The following CIB4 variants were observed in gnomAD, a reference collection of about 807,000 sequenced individuals.
CIB4 encodes calcium and integrin-binding family member 4.
A neutral mutation model predicts 25.8 loss-of-function variants in CIB4; 25 were observed. The observed-to-expected ratio is 0.97, with a 90% CI of 0.71 to 1.35. CIB4 has a LOEUF of 1.35. Ranked by LOEUF, CIB4 falls within the 40% of genes most tolerant of loss-of-function variation. The pLI is 0.00. For synonymous variants in CIB4, 75 were observed against 81.4 expected (o/e 0.92, Z 0.42); for missense variants, 235 against 228.2 (o/e 1.03, Z -0.19).
At chr2:26,632,672 C>T (rs552340467) in intron 2 of CIB4, among the ~76,000 whole-genome samples, 72 of 151,600 alleles carry the variant, frequency 4.7e-4, no homozygotes, top group African/African-American at 1.6e-3. Context: ...GCAGGAGAAT[C>T]GCTTGAACTC....
chr2:26,581,493 C>T (rs774862755), intron 6 of CIB4, 100 bp from the exon 7 acceptor site: 1 of 1,163,836 alleles, frequency 8.6e-7, no homozygotes, highest in Non-Finnish European at 1.3e-6. Context: ...CCCCGGCCTG[C>T]ATCTCGTGTC....
chr2:26,626,780 A>G (rs961552654), intron 3 of CIB4, among the ~76,000 whole-genome samples: 3 of 152,136 alleles, frequency 2.0e-5, no homozygotes, highest in African/African-American at 7.2e-5. Flanking sequence ...TGGGAAGAGC[A>G]GGCCTCACCC....
chr2:26,597,567 C>T (rs1299265028), intron 3 of CIB4, among the ~76,000 whole-genome samples: 1 of 152,044 alleles, frequency 6.6e-6, no homozygotes, highest in Non-Finnish European at 1.5e-5. Context: ...TAAACAATAG[C>T]ATAGTGTAAG....
At chr2:26,620,233 G>T (rs1236828994) in intron 3 of CIB4, among the ~76,000 whole-genome samples, 1 of 152,134 alleles carries the variant, frequency 6.6e-6, no homozygotes, top group Non-Finnish European at 1.5e-5. Flanking sequence ...AGCGGGGAAG[G>T]TGACACCACC....
Position 26,619,352 on chromosome 2 carries a change from C to T in CIB4, c.186+10058G>A, listed in dbSNP as rs369217312. ...GACCAGGCTCTCAGGACACCAGCCT[C>T]ATGGAGCGCTTGGGAGTTTGGGAAT... On this transcript the variant is annotated intron_variant, in intron 3 of 6. Coordinates refer to ENST00000288861, the MANE Select transcript of CIB4 (RefSeq NM_001029881.3). 6.9e-4 allele frequency among the ~76,000 whole-genome samples: 105 copies of T among 152,152 alleles called. 1 individual carries two copies. Among genetic ancestry groups the T allele is most frequent in the African/African-American group, 2.4e-3 (98 of 41,494 alleles).
chr2:26,610,462 T>C (rs1329852988), intron 3 of CIB4, among the ~76,000 whole-genome samples: 2 of 152,200 alleles, frequency 1.3e-5, no homozygotes, highest in Non-Finnish European at 2.9e-5. Context: ...TTTCAGTCCT[T>C]GACATTTTGG....
At chr2:26,589,007 T>C (rs1668513877) in intron 4 of CIB4, among the ~76,000 whole-genome samples, 2 of 17,198 alleles carry the variant, frequency 1.2e-4, no homozygotes, top group African/African-American at 4.4e-4. Context: ...TTCTTCTTCT[T>C]CTTCTTCTTC....
At position 26,636,141 on chromosome 2, in the gene CIB4, G is replaced by T. The variant is rs1669528400; in HGVS notation, c.89+4392C>A. ...GTGACCTCTTAGTAGAAAAAAAGAGGATTTATTTCTCTATATATACTTCTT... is the reference window on the plus strand; with the variant it reads ...GTGACCTCTTAGTAGAAAAAAAGAGTATTTATTTCTCTATATATACTTCTT... On this transcript the variant is annotated intron_variant, in intron 2 of 6. Transcript: ENST00000288861. Among the ~76,000 whole-genome samples, 3 of 151,936 alleles carry T rather than the reference G, an allele frequency of 2.0e-5. No homozygotes were observed. In the South Asian group the frequency reaches 6.2e-4, roughly 32 times the overall value.
At chr2:26,625,509 T>C (rs2148220861) in intron 3 of CIB4, among the ~76,000 whole-genome samples, 1 of 152,266 alleles carries the variant, frequency 6.6e-6, no homozygotes, top group African/African-American at 2.4e-5. Context: ...TGTGCCACCA[T>C]GCCCGGCTAA....
At chr2:26,605,697 G>A in intron 3 of CIB4, 1 of 304,894 alleles carries the variant, frequency 3.3e-6, no homozygotes, top group South Asian at 2.5e-5. Context: ...CCTACTGTGT[G>A]CAGGCTGTGA....
chr2:26,594,591 C>T (rs1425543834), intron 4 of CIB4, among the ~76,000 whole-genome samples: 2 of 152,212 alleles, frequency 1.3e-5, no homozygotes, highest in African/African-American at 4.8e-5. Context: ...CTTAAGACTT[C>T]TTTCTTTCCT....
chr2:26,632,368 A>G (rs1669436638), intron 2 of CIB4, among the ~76,000 whole-genome samples: 1 of 152,174 alleles, frequency 6.6e-6, no homozygotes, highest in Non-Finnish European at 1.5e-5. Flanking sequence ...TGGGGGAGAG[A>G]TTCTCCAGGA....
chr2:26,586,050 C>A (rs1013245439), intron 4 of CIB4, among the ~76,000 whole-genome samples: 1 of 152,184 alleles, frequency 6.6e-6, no homozygotes, highest in Non-Finnish European at 1.5e-5. Flanking sequence ...TGCACTACCC[C>A]ACCCTAGCCC....
At chr2:26,585,864 C>T (rs569058055) in intron 4 of CIB4, among the ~76,000 whole-genome samples, 22 of 152,012 alleles carry the variant, frequency 1.4e-4, no homozygotes, top group Non-Finnish European at 3.1e-4. Context: ...CCTCATGCTC[C>T]CCTCCCCAGC....
intron 4 of CIB4, among the ~76,000 whole-genome samples, chr2:26,589,082 T>TC (rs1358920964): frequency 2.2e-5 from 2 of 90,954 alleles, no homozygotes; most frequent in African/African-American, 1.2e-4. Context: ...CTCTTCTTCT[T>TC]CTTCTTCTTC....
chr2:26,629,848 C>A (rs1669382420), intron 2 of CIB4, among the ~76,000 whole-genome samples: 1 of 152,148 alleles, frequency 6.6e-6, no homozygotes, highest in African/African-American at 2.4e-5. Flanking sequence ...ACTGAAGGGG[C>A]TTATGTCCAG....
intron 4 of CIB4, among the ~76,000 whole-genome samples, chr2:26,588,371 G>C (rs1195798071): frequency 6.6e-6 from 1 of 152,240 alleles, no homozygotes; most frequent in Non-Finnish European, 1.5e-5. Flanking sequence ...CCTGGGAGGG[G>C]CTGGGGGCTG....
chr2:26,589,585 G>GT (rs1285878364), intron 4 of CIB4, among the ~76,000 whole-genome samples: 1 of 152,156 alleles, frequency 6.6e-6, no homozygotes, highest in African/African-American at 2.4e-5. Flanking sequence ...GCCTCTCAAA[G>GT]TGCTGGGATT....
rs777870357 is a variant in CIB4, at chr2:26,640,572, A to G, written c.55-5T>C. 6.2e-7 allele frequency: 1 copy of G among 1,611,896 alleles called. No individual in the cohort carries two copies. Among genetic ancestry groups the G allele is most frequent in the Non-Finnish European group, 8.5e-7 (1 of 1,178,958 alleles). Reference sequence around the variant, plus strand: ...TCTGGTCAGGAAGGTCAGGGCCTGCAACAAATCACAGAGAAGCGACGTGTC... The same window carrying G: ...TCTGGTCAGGAAGGTCAGGGCCTGCGACAAATCACAGAGAAGCGACGTGTC... On this transcript the variant is annotated splice_polypyrimidine_tract_variant and splice_region_variant and intron_variant, in intron 1 of 6. Coordinates refer to ENST00000288861, the MANE Select transcript of CIB4 (RefSeq NM_001029881.3).
Sources: allele counts gnomAD v4.1 joint callset (sites outside exome capture counted in the v4.1 genomes callset), GRCh38; gene constraint gnomAD v4.1.1; transcripts MANE v1.5; gene names NCBI Gene and HGNC (gene_info 2026-07-23, HGNC 2026-07-21).